DPF3: variants seen among roughly 807,000 people sequenced by gnomAD.
DPF3 encodes the protein double PHD fingers 3, also known as zinc finger protein DPF3.
Under a neutral mutation model 56.8 loss-of-function variants are expected in DPF3, and 18 were observed. That is an observed-to-expected ratio of 0.32 (90% CI 0.22 to 0.47). The LOEUF (loss-of-function observed/expected upper bound fraction) is 0.47, where lower values mean the gene tolerates loss of function less well. DPF3 is among the 20% of genes least tolerant of loss of function. The pLI, the probability that DPF3 is intolerant of heterozygous loss-of-function variation, is 1.00. For synonymous variants in DPF3, 188 were observed against 180.2 expected, an observed-to-expected ratio of 1.04 and a Z score of -0.35; for missense variants, 403 against 488.8, an observed-to-expected ratio of 0.82 and a Z score of 1.65.
chr14:72,647,380 T>A (rs1314177159), intron 8 of DPF3, among the ~76,000 whole-genome samples: 1 of 152,168 alleles, frequency 6.6e-6, no homozygotes, highest in Admixed American at 6.5e-5. Flanking sequence ...CTGGCCTGTA[T>A]CCAGGCACAA....
chr14:72,748,792 T>C (rs1890433520), intron 3 of DPF3, among the ~76,000 whole-genome samples: 1 of 152,222 alleles, frequency 6.6e-6, no homozygotes, highest in Non-Finnish European at 1.5e-5. Flanking sequence ...CCTCAAGCCT[T>C]GACAAATTCC....
At chr14:72,769,487 C>T (rs1327226970) in intron 2 of DPF3, among the ~76,000 whole-genome samples, 1 of 152,138 alleles carries the variant, frequency 6.6e-6, no homozygotes. Flanking sequence ...CAAGACAATC[C>T]TGGCCAACAT....
At chr14:72,723,861 A>C in intron 4 of DPF3, 133 bp from the exon 5 acceptor site, 1 of 840,466 alleles carries the variant, frequency 1.2e-6, no homozygotes, top group Non-Finnish European at 1.8e-6. Flanking sequence ...TTGCTTGGGC[A>C]GTTGGGCCCT....
intron 2 of DPF3, among the ~76,000 whole-genome samples, chr14:72,756,864 GAAAGAAAGGAAGGAAA>G (rs1474563961): frequency 1.9e-5 from 2 of 107,060 alleles, no homozygotes; most frequent in African/African-American, 7.7e-5. Flanking sequence ...AAGAAAGAAA[GAAAGAAAGGAAGGAAA>G]GAAGGAAAGA....
chr14:72,697,418 G>A (rs1887951495), intron 6 of DPF3, among the ~76,000 whole-genome samples: 1 of 152,174 alleles, frequency 6.6e-6, no homozygotes, highest in Non-Finnish European at 1.5e-5. Context: ...GCTTGAGTGA[G>A]TAGGGTAGGG....
chr14:72,869,804 C>T (rs1055156677), intron 1 of DPF3, among the ~76,000 whole-genome samples: 1 of 152,158 alleles, frequency 6.6e-6, no homozygotes, highest in Non-Finnish European at 1.5e-5. Context: ...GAGAAGGTCA[C>T]AGACAGAAAC....
At chr14:72,820,114 A>T (rs1300429997) in intron 1 of DPF3, among the ~76,000 whole-genome samples, 1 of 152,254 alleles carries the variant, frequency 6.6e-6, no homozygotes, top group Non-Finnish European at 1.5e-5. Flanking sequence ...TAAAATTCAT[A>T]GAACTATATA....
At chr14:72,639,952 A>T (rs1172421714) in intron 8 of DPF3, among the ~76,000 whole-genome samples, 1 of 151,178 alleles carries the variant, frequency 6.6e-6, no homozygotes, top group Non-Finnish European at 1.5e-5. Context: ...ACAGATAAGG[A>T]AGCAATAAAT....
chr14:72,865,868 G>A (rs1885642243), intron 1 of DPF3, among the ~76,000 whole-genome samples: 2 of 152,112 alleles, frequency 1.3e-5, no homozygotes, highest in African/African-American at 4.8e-5. Flanking sequence ...CCAACATGAT[G>A]AAACCCCGTC....
chr14:72,866,401 A>G (rs1330084046), intron 1 of DPF3, among the ~76,000 whole-genome samples: 1 of 150,632 alleles, frequency 6.6e-6, no homozygotes, highest in Admixed American at 6.6e-5. Context: ...TGACCTGTCC[A>G]GCTTCTCTCT....
rs1567273821 is a variant in DPF3 at position 72,893,009 on chromosome 14, A to AGGC, written c.32+1047_32+1048insGCC. 2.6e-3 allele frequency among the ~76,000 whole-genome samples: 305 copies of AGGC among 118,272 alleles called. 12 individuals carry two copies. Among genetic ancestry groups the AGGC allele is most frequent in the South Asian group, 0.01 (35 of 3,354 alleles). The allele number at this position is 118,272 out of a possible 152,430, so 77.6% of individuals were successfully genotyped here. The stretch of plus-strand genomic sequence containing the variant: ...GAAGGAAGGAAGGAAGGAAGGAAGG[A>AGGC]AGGAAGGAAGGAAGGATGAAAAGGA... On this transcript the variant is annotated intron_variant, in intron 1 of 10. Coordinates refer to ENST00000556509, the MANE Select transcript of DPF3 (RefSeq NM_001280542.3).
At chr14:72,648,764 T>C (rs1885804929) in intron 8 of DPF3, among the ~76,000 whole-genome samples, 1 of 151,684 alleles carries the variant, frequency 6.6e-6, no homozygotes, top group Non-Finnish European at 1.5e-5. Context: ...TGTTATTCCC[T>C]CTTGCATCGT....
At chr14:72,706,148 C>G (rs1888394619) in intron 6 of DPF3, among the ~76,000 whole-genome samples, 1 of 152,154 alleles carries the variant, frequency 6.6e-6, no homozygotes, top group African/African-American at 2.4e-5. Context: ...TATTCCAGGT[C>G]TATAATATAA....
intron 1 of DPF3, among the ~76,000 whole-genome samples, chr14:72,847,065 C>T (rs1884789785): frequency 6.6e-6 from 1 of 152,190 alleles, no homozygotes; most frequent in African/African-American, 2.4e-5. Flanking sequence ...ACTTTGCATC[C>T]ATGCAGACAA....
intron 3 of DPF3, among the ~76,000 whole-genome samples, chr14:72,748,064 T>A (rs1890400498): frequency 6.6e-6 from 1 of 152,212 alleles, no homozygotes; most frequent in African/African-American, 2.4e-5. Flanking sequence ...TGCAACTGGG[T>A]AACAGGCAGA....
At chr14:72,716,481 C>T (rs1356717407) in intron 5 of DPF3, among the ~76,000 whole-genome samples, 1 of 152,130 alleles carries the variant, frequency 6.6e-6, no homozygotes, top group Non-Finnish European at 1.5e-5. Context: ...AGAAGCCCTC[C>T]CTGACCAACT....
intron 7 of DPF3, among the ~76,000 whole-genome samples, chr14:72,689,081 T>C (rs1045368703): frequency 1.3e-5 from 2 of 152,052 alleles, no homozygotes; most frequent in Non-Finnish European, 2.9e-5. Flanking sequence ...ATTGCTGAGC[T>C]TGCAGCACAG....
rs118032000 is a variant in DPF3 at position 72,759,970 on chromosome 14, A to C, written c.194-6599T>G. The stretch of plus-strand genomic sequence containing the variant: ...ACTAAAGATAGTTTCAGATATACAA[A>C]AGCTGAAATAATTCATCATCAACAA... On this transcript the variant is annotated intron_variant, in intron 2 of 10. Coordinates refer to ENST00000556509, the MANE Select transcript of DPF3 (RefSeq NM_001280542.3). 1.8e-4 allele frequency among the ~76,000 whole-genome samples: 28 copies of C among 152,304 alleles called. No homozygotes were observed. The East Asian group carries it at 5.4e-3, about 29-fold the overall frequency.
chr14:72,635,087 C>T (rs572296387), intron 8 of DPF3, among the ~76,000 whole-genome samples: 4 of 152,322 alleles, frequency 2.6e-5, no homozygotes, highest in African/African-American at 9.6e-5. Flanking sequence ...CCTTCCAGAA[C>T]TGACCTCAAT....
Sources: allele counts gnomAD v4.1 joint callset (sites outside exome capture counted in the v4.1 genomes callset), GRCh38; gene constraint gnomAD v4.1.1; transcripts MANE v1.5; gene names NCBI Gene and HGNC (gene_info 2026-07-23, HGNC 2026-07-21).